Variants in CACNB2 observed in about 807,000 individuals in gnomAD.
CACNB2 encodes calcium voltage-gated channel auxiliary subunit beta 2, also known as voltage-dependent L-type calcium channel subunit beta-2.
A neutral mutation model predicts 73.3 loss-of-function variants in CACNB2; 42 were observed. The ratio of observed to expected loss-of-function variants is 0.57; its 90% CI spans 0.45 to 0.74. CACNB2 has a LOEUF of 0.74. Ranked by LOEUF, CACNB2 falls within the 30% of genes least tolerant of loss-of-function variation. The pLI is 0.00. For missense variants in CACNB2, 940 were observed against 853.0 expected (o/e 1.10, Z -1.27); for synonymous variants, 348 against 310.3 (o/e 1.12, Z -1.28).
At chr10:18,279,696 T>C (rs1275758360) in intron 2 of CACNB2, among the ~76,000 whole-genome samples, 2 of 152,256 alleles carry the variant, frequency 1.3e-5, no homozygotes, top group African/African-American at 4.8e-5. Context: ...TTAGGCAACC[T>C]GTTAGAAATA....
intron 2 of CACNB2, among the ~76,000 whole-genome samples, chr10:18,189,484 G>C (rs1345167178): frequency 6.6e-6 from 1 of 152,080 alleles, no homozygotes; most frequent in African/African-American, 2.4e-5. Context: ...GCATTGTTCA[G>C]TAGCTTATTT....
intron 2 of CACNB2, among the ~76,000 whole-genome samples, chr10:18,283,794 T>A (rs1325596345): frequency 6.6e-6 from 1 of 152,114 alleles, no homozygotes; most frequent in African/African-American, 2.4e-5. Context: ...ATTGTGCACA[T>A]GTACCCTAGA....
intron 3 of CACNB2, among the ~76,000 whole-genome samples, chr10:18,487,049 G>A (rs538309681): frequency 6.6e-6 from 1 of 152,302 alleles, no homozygotes; most frequent in Admixed American, 6.5e-5. Context: ...GCTTGAGAAG[G>A]CGCTGTCTGC....
intron 2 of CACNB2, among the ~76,000 whole-genome samples, chr10:18,212,001 T>C (rs768963107): frequency 1.3e-5 from 2 of 152,140 alleles, no homozygotes; most frequent in Non-Finnish European, 2.9e-5. Context: ...TAGAAAATAA[T>C]ATTTTCAGGG....
intron 2 of CACNB2, among the ~76,000 whole-genome samples, chr10:18,238,752 G>A (rs2036541033): frequency 6.6e-6 from 1 of 152,178 alleles, no homozygotes; most frequent in Non-Finnish European, 1.5e-5. Flanking sequence ...TTATAACAGT[G>A]CTACAGTTTT....
At chr10:18,501,364 T>A (rs1283722422) in intron 5 of CACNB2, among the ~76,000 whole-genome samples, 3 of 152,230 alleles carry the variant, frequency 2.0e-5, no homozygotes, top group Non-Finnish European at 4.4e-5. Context: ...CAGTGGCAGC[T>A]CTTGTCATCC....
intron 2 of CACNB2, among the ~76,000 whole-genome samples, chr10:18,329,312 C>T (rs1447965455): frequency 6.6e-6 from 1 of 152,082 alleles, no homozygotes; most frequent in Non-Finnish European, 1.5e-5. Context: ...AAGTGCTAAG[C>T]AATTGTTAAA....
chr10:18,304,712 CA>C (rs2039660868), intron 2 of CACNB2, among the ~76,000 whole-genome samples: 1 of 152,186 alleles, frequency 6.6e-6, no homozygotes, highest in South Asian at 2.1e-4. Flanking sequence ...GCTCTATTTC[CA>C]AAACATAAGT....
intron 2 of CACNB2, among the ~76,000 whole-genome samples, chr10:18,352,950 A>T (rs183198009): frequency 2.0e-5 from 3 of 152,344 alleles, no homozygotes; most frequent in African/African-American, 7.2e-5. Context: ...ACTTTAATAA[A>T]GTTATTTTTC....
intron 2 of CACNB2, among the ~76,000 whole-genome samples, chr10:18,165,184 T>G (rs905178981): frequency 3.9e-5 from 6 of 152,140 alleles, no homozygotes; most frequent in African/African-American, 1.4e-4. Flanking sequence ...ATATTTGAGC[T>G]GGATATTGAA....
At chr10:18,191,197 T>G (rs2131266421) in intron 2 of CACNB2, among the ~76,000 whole-genome samples, 1 of 152,346 alleles carries the variant, frequency 6.6e-6, no homozygotes, top group East Asian at 1.9e-4. Context: ...CTTTTCTCCT[T>G]TGACAATTGG....
intron 2 of CACNB2, among the ~76,000 whole-genome samples, chr10:18,190,782 A>G (rs994215792): frequency 6.6e-6 from 1 of 152,140 alleles, no homozygotes; most frequent in African/African-American, 2.4e-5. Flanking sequence ...TGGGGAAACT[A>G]TTTCAAGCAG....
At position 18,435,642 on chromosome 10, in the gene CACNB2, GC is replaced by G. The variant is rs2046095296; in HGVS notation, c.333+33600del. ...GCCTCCCAAGTAGCTGAGACTACAG[GC>G]ACACACTACCATATCCAGATAATTT... On this transcript the variant is annotated intron_variant, in intron 3 of 13. Coordinates refer to ENST00000324631, the MANE Select transcript of CACNB2 (RefSeq NM_201596.3). Among the ~76,000 whole-genome samples, 3 of 152,114 alleles carry G rather than the reference GC, an allele frequency of 2.0e-5. No homozygotes were observed. The South Asian group carries it at 6.2e-4, about 32-fold the overall frequency.
intron 2 of CACNB2, among the ~76,000 whole-genome samples, chr10:18,233,706 C>CAGACAA (rs1242590349): frequency 3.9e-5 from 6 of 152,110 alleles, no homozygotes; most frequent in African/African-American, 1.4e-4. Context: ...CATTGTCTGT[C>CAGACAA]TGAACTTTTA....
At chr10:18,266,606 G>A (rs1034583793) in intron 2 of CACNB2, among the ~76,000 whole-genome samples, 38 of 151,910 alleles carry the variant, frequency 2.5e-4, no homozygotes, top group Non-Finnish European at 5.0e-4. Context: ...AAGTGTGAGC[G>A]GGCCGGGCAC....
At chr10:18,473,381 TA>T (rs2048287641) in intron 3 of CACNB2, among the ~76,000 whole-genome samples, 1 of 152,230 alleles carries the variant, frequency 6.6e-6, no homozygotes, top group African/African-American at 2.4e-5. Flanking sequence ...TCATATCTTG[TA>T]AAAGTCTATA....
chr10:18,451,767 A>G (rs1184035967), intron 3 of CACNB2, among the ~76,000 whole-genome samples: 2 of 152,156 alleles, frequency 1.3e-5, no homozygotes, highest in African/African-American at 4.8e-5. Context: ...TATCACCACT[A>G]CAGATATTGA....
intron 3 of CACNB2, among the ~76,000 whole-genome samples, chr10:18,484,315 A>G (rs1250445907): frequency 6.6e-6 from 1 of 151,658 alleles, no homozygotes; most frequent in Non-Finnish European, 1.5e-5. Flanking sequence ...AATCACTTGA[A>G]CCCGGGAGGC....
intron 3 of CACNB2, among the ~76,000 whole-genome samples, chr10:18,474,185 C>G (rs190794228): frequency 1.3e-5 from 2 of 152,104 alleles, no homozygotes; most frequent in African/African-American, 2.4e-5. Flanking sequence ...CAAATCTGAA[C>G]ATGACCGCAG....
Sources: allele counts gnomAD v4.1 joint callset (sites outside exome capture counted in the v4.1 genomes callset), GRCh38; gene constraint gnomAD v4.1.1; transcripts MANE v1.5; gene names NCBI Gene and HGNC (gene_info 2026-07-23, HGNC 2026-07-21).